The following PAK5 variants were observed in gnomAD, a reference collection of about 807,000 sequenced individuals.
PAK5 encodes the protein serine/threonine-protein kinase PAK 5.
PAK5 carries 16 observed loss-of-function variants against 65.9 expected under a neutral mutation model. The observed-to-expected ratio is 0.24, with a 90% confidence interval of 0.16 to 0.37. The LOEUF (loss-of-function observed/expected upper bound fraction) is 0.37, where lower values mean the gene tolerates loss of function less well. Ranked by LOEUF, PAK5 falls within the 10% of genes least tolerant of loss-of-function variation. PAK5 has a pLI of 1.00. For missense variants in PAK5, 785 were observed against 903.9 expected, an observed-to-expected ratio of 0.87 and a Z score of 1.69; for synonymous variants, 371 against 354.9, an observed-to-expected ratio of 1.05 and a Z score of -0.51.
chr20:9,660,833 G>GTAA (rs1175401326), intron 2 of PAK5, among the ~76,000 whole-genome samples: 15 of 152,106 alleles, frequency 9.9e-5, no homozygotes, highest in African/African-American at 3.6e-4. Flanking sequence ...TAAGCAAAGG[G>GTAA]CCAAACAGAG....
At chr20:9,832,228 G>C (rs2123790305) in intron 1 of PAK5, among the ~76,000 whole-genome samples, 1 of 152,072 alleles carries the variant, frequency 6.6e-6, no homozygotes, top group African/African-American at 2.4e-5. Flanking sequence ...TAAAAAACAA[G>C]AGGAATAGTG....
chr20:9,629,213 C>T (rs772773563), intron 3 of PAK5, among the ~76,000 whole-genome samples: 1 of 152,168 alleles, frequency 6.6e-6, no homozygotes, highest in Non-Finnish European at 1.5e-5. Context: ...AGACTCCTGA[C>T]CCATAGAAAC....
intron 1 of PAK5, among the ~76,000 whole-genome samples, chr20:9,765,312 T>C (rs1298745681): frequency 6.6e-6 from 1 of 152,172 alleles, no homozygotes; most frequent in Non-Finnish European, 1.5e-5. Context: ...TCACCAATAA[T>C]CTAAAATTTA....
At chr20:9,572,064 GTTT>G (rs35823620) in intron 4 of PAK5, among the ~76,000 whole-genome samples, 7 of 133,170 alleles carry the variant, frequency 5.3e-5, no homozygotes, top group African/African-American at 1.1e-4. Flanking sequence ...CAAATTAAGG[GTTT>G]TTTTTTTTTT....
chr20:9,587,880 A>G (rs1178359893), intron 3 of PAK5, among the ~76,000 whole-genome samples: 1 of 152,184 alleles, frequency 6.6e-6, no homozygotes, highest in African/African-American at 2.4e-5. Context: ...ATACATATAT[A>G]TAAGTTGTAT....
chr20:9,658,789 C>T (rs938009855), intron 2 of PAK5, among the ~76,000 whole-genome samples: 1 of 152,132 alleles, frequency 6.6e-6, no homozygotes, highest in African/African-American at 2.4e-5. Flanking sequence ...CATTGCAGAA[C>T]ATTTTTTTAA....
chr20:9,694,717 G>A (rs760132865), intron 2 of PAK5, among the ~76,000 whole-genome samples: 23 of 151,976 alleles, frequency 1.5e-4, no homozygotes, highest in East Asian at 3.9e-4. Flanking sequence ...AATTCATGTC[G>A]TGATAGGCCA....
intron 7 of PAK5, among the ~76,000 whole-genome samples, chr20:9,549,039 G>GA (rs1261933988): frequency 1.3e-5 from 2 of 151,898 alleles, no homozygotes; most frequent in Non-Finnish European, 2.9e-5. Context: ...CATGTAGTAT[G>GA]AAAAAAAGGG....
At chr20:9,559,455 C>T (rs1048454772) in intron 6 of PAK5, among the ~76,000 whole-genome samples, 2 of 152,040 alleles carry the variant, frequency 1.3e-5, no homozygotes, top group African/African-American at 2.4e-5. Flanking sequence ...TAGGAGAATA[C>T]CAAAGGTATA....
At chr20:9,673,131 A>G (rs1054341240) in intron 2 of PAK5, among the ~76,000 whole-genome samples, 2 of 152,192 alleles carry the variant, frequency 1.3e-5, no homozygotes, top group Non-Finnish European at 2.9e-5. Context: ...TGTGTTTGAC[A>G]TATTATTACA....
chr20:9,648,061 T>C (rs2047156174), intron 2 of PAK5, among the ~76,000 whole-genome samples: 1 of 152,204 alleles, frequency 6.6e-6, no homozygotes, highest in Non-Finnish European at 1.5e-5. Flanking sequence ...AAAAGTTCAA[T>C]GCGTCTCATC....
chr20:9,716,411 G>C (rs2048147906), intron 1 of PAK5, among the ~76,000 whole-genome samples: 1 of 152,126 alleles, frequency 6.6e-6, no homozygotes, highest in South Asian at 2.1e-4. Flanking sequence ...TTTTAAAATT[G>C]ATATAATCAT....
At position 9,580,133 on chromosome 20, in the gene PAK5, A is replaced by G. The variant is rs759372235; in HGVS notation, c.990+12T>C. 6.3e-7 allele frequency: 1 copy of G among 1,597,242 alleles called. No individual in the cohort carries two copies. Among genetic ancestry groups the G allele is most frequent in the Admixed American group, 1.7e-5 (1 of 58,738 alleles). On this transcript the variant is annotated intron_variant, in intron 4 of 9. Coordinates refer to ENST00000353224, the MANE Select transcript of PAK5 (RefSeq NM_177990.4). ...TTTGCACACGTGAGGGAAAGGAGGT[A>G]GCAAACGTTACCTTTGGAATGCACA...
At chr20:9,724,694 TC>T (rs2048255687) in intron 1 of PAK5, among the ~76,000 whole-genome samples, 1 of 152,120 alleles carries the variant, frequency 6.6e-6, no homozygotes, top group Admixed American at 6.5e-5. Context: ...GCACTCAATT[TC>T]CATTATAGTT....
rs184681063 is a variant in PAK5, at chr20:9,720,198, G to T, written c.-161-8763C>A. ...TTAAAACAGGGATTCTTAACTGGGG[G>T]TCGTAACTGTCCCTGAGCTCAATTA... On this transcript the variant is annotated intron_variant, in intron 1 of 9. Coordinates refer to ENST00000353224, the MANE Select transcript of PAK5 (RefSeq NM_177990.4). Among the ~76,000 whole-genome samples the T allele has an allele frequency of 3.8e-3, 583 of 152,180 alleles. 6 individuals are homozygous for T. The highest frequency in any genetic ancestry group is 0.014 in the African/African-American group (564 of 41,510).
chr20:9,699,565 T>C (rs1157372557), intron 2 of PAK5, among the ~76,000 whole-genome samples: 1 of 151,382 alleles, frequency 6.6e-6, no homozygotes, highest in Non-Finnish European at 1.5e-5. Flanking sequence ...TTTTTTTTTT[T>C]TTTTTTTTAA....
At chr20:9,577,127 G>A (rs777638127) in intron 4 of PAK5, among the ~76,000 whole-genome samples, 5 of 152,164 alleles carry the variant, frequency 3.3e-5, no homozygotes, top group Non-Finnish European at 7.3e-5. Context: ...TAATTTTGTG[G>A]TGGGTATGGT....
intron 3 of PAK5, among the ~76,000 whole-genome samples, chr20:9,626,740 G>A (rs1208098932): frequency 6.6e-6 from 1 of 151,966 alleles, no homozygotes; most frequent in African/African-American, 2.4e-5. Context: ...CTTACAGTTT[G>A]GACTGAATTA....
chr20:9,760,734 C>T (rs1400394844), intron 1 of PAK5, among the ~76,000 whole-genome samples: 3 of 136,606 alleles, frequency 2.2e-5, no homozygotes, highest in East Asian at 2.2e-4. Context: ...TGCCGTGGTA[C>T]GATCTCGGCT....
Sources: allele counts gnomAD v4.1 joint callset (sites outside exome capture counted in the v4.1 genomes callset), GRCh38; gene constraint gnomAD v4.1.1; transcripts MANE v1.5; gene names NCBI Gene and HGNC (gene_info 2026-07-23, HGNC 2026-07-21).